AATK: variants seen among roughly 807,000 people sequenced by gnomAD.
AATK encodes lemur tail kinase 1.
A neutral mutation model predicts 114.3 loss-of-function variants in AATK; 91 were observed. The observed-to-expected ratio is 0.80, with a 90% CI of 0.67 to 0.95. The LOEUF (loss-of-function observed/expected upper bound fraction) is 0.95. Ranked by LOEUF, AATK falls within the 40% of genes least tolerant of loss-of-function variation. The pLI is 0.00. For synonymous variants in AATK, 1,075 were observed against 916.5 expected (o/e 1.17, Z -3.12); for missense variants, 2,176 against 1,965.2 (o/e 1.11, Z -2.03).
chr17:81,125,350 C>A (rs369112104), intron 7 of AATK: 2 of 667,206 alleles, frequency 3.0e-6, no homozygotes, highest in African/African-American at 3.5e-5. Flanking sequence ...TCTCCAGGAC[C>A]CTCTCCTCCT....
Position 81,122,311 on chromosome 17 carries a change from C to A in AATK, c.1625G>T (p.Gly542Val), listed in dbSNP as rs1289149814. The change falls in exon 11 of 14, where the codon GGC becomes GTC. Residue 542 changes from glycine to valine, a missense_variant. Transcript: ENST00000326724. The stretch of plus-strand genomic sequence containing the variant: ...GCAGCCGGCGCAGTCAGGGTCGTGG[C>A]CGGCGGCGGGTGCGGCCTCCTCTAG... The part of the protein sequence containing the change: ...IRLEEAAPAA[G>V]HDPDCAGCAP... The A allele has an allele frequency of 6.6e-7, 1 of 1,510,050 alleles. No individual in the cohort carries two copies. Among genetic ancestry groups the A allele is most frequent in the Non-Finnish European group, 8.8e-7 (1 of 1,134,514 alleles). 93.5% of individuals were successfully genotyped at this position (1,510,050 alleles called of 1,614,324 possible). A position where few individuals can be genotyped will look rare whatever the true frequency, so the allele number is the denominator to read the frequency against.
At position 81,122,594 on chromosome 17, in the gene AATK, G is replaced by A. The variant is rs1256230088; in HGVS notation, c.1342C>T (p.Pro448Ser). 1.4e-6 allele frequency: 2 copies of A among 1,439,502 alleles called. No individual in the cohort carries two copies. The highest frequency in any genetic ancestry group is 2.4e-5 in the Admixed American group (1 of 41,794). The allele number at this position is 1,439,502 out of a possible 1,614,324, so 89.2% of individuals were successfully genotyped here. A position where few individuals can be genotyped will look rare whatever the true frequency, so the allele number is the denominator to read the frequency against. Residue 448 changes from proline to serine, a missense_variant, in exon 11 of 14, where the codon CCG becomes TCG. Around this residue, in one of 4 missense-constraint regions of AATK, gnomAD observed 1,701 missense variants for 1,394.7 expected, o/e 1.22. Transcript: ENST00000326724. ...TCGCCCGCGAACTGCTCCAGCAGCG[G>A]GAAGGACGAGGCAGCGGCGAGCTCC... Reference protein sequence around the residue: ...VVELAAASSFPLLEQFAGDGF... With the variant: ...VVELAAASSFSLLEQFAGDGF...
chr17:81,131,326 G>C (rs768708776), intron 2 of AATK, 121 bp from the exon 3 acceptor site: 5 of 1,338,814 alleles, frequency 3.7e-6, no homozygotes, highest in Non-Finnish European at 4.9e-6. Context: ...GGGGGTGCTC[G>C]GCCCAGAGTT....
At chr17:81,131,528 C>T (rs2060931740) in intron 2 of AATK, among the ~76,000 whole-genome samples, 1 of 152,182 alleles carries the variant, frequency 6.6e-6, no homozygotes, top group African/African-American at 2.4e-5. Flanking sequence ...GCACCAGCGC[C>T]TCAGCCTGGC....
In AATK at chr17:81,159,814, G is replaced by A. The variant is rs112892194; in HGVS notation, c.55+6124C>T. Among the ~76,000 whole-genome samples, 642 of 152,174 alleles carry A rather than the reference G, an allele frequency of 4.2e-3. 11 individuals carry two copies. Among genetic ancestry groups the A allele is most frequent in the African/African-American group, 0.014 (594 of 41,522 alleles). ...GGTGACTCGGCAGAGCCCTGGTCCCGGACCAGCTCCCCTGCCCCCCAGCCT... is the reference window on the plus strand; with the variant it reads ...GGTGACTCGGCAGAGCCCTGGTCCCAGACCAGCTCCCCTGCCCCCCAGCCT... On this transcript the variant is annotated intron_variant, in intron 1 of 13. Transcript: ENST00000326724.
intron 1 of AATK, among the ~76,000 whole-genome samples, chr17:81,140,842 G>A (rs1232909384): frequency 9.3e-6 from 1 of 107,536 alleles, no homozygotes; most frequent in African/African-American, 4.0e-5. Flanking sequence ...CCGTGGGGCC[G>A]TGAGCCGTGG....
rs1345767917 is a variant in AATK, at chr17:81,117,651, C to T, written c.*751G>A. 2.0e-5 allele frequency: 3 copies of T among 152,294 alleles called. No homozygotes were observed. The highest frequency in any genetic ancestry group is 7.2e-5 in the African/African-American group (3 of 41,464). The allele number at this position is 152,294 out of a possible 1,614,324, so 9.4% of individuals were successfully genotyped here. A position where few individuals can be genotyped will look rare whatever the true frequency, so the allele number is the denominator to read the frequency against. On this transcript the variant is annotated 3_prime_UTR_variant, in exon 14 of 14. Transcript: ENST00000326724. ...CTGCCCCACAGAGGGGAGCTGCCTG[C>T]ACGGTCCTGCCAAGGGCACCTCTAG... is the stretch of plus-strand genomic sequence containing the variant.
chr17:81,160,586 T>C (rs562440332), intron 1 of AATK, among the ~76,000 whole-genome samples: 1 of 152,306 alleles, frequency 6.6e-6, no homozygotes, highest in East Asian at 1.9e-4. Context: ...CTCCTGTCAC[T>C]GTGGCCTGCG....
At chr17:81,162,440 C>G (rs1236271151) in intron 1 of AATK, among the ~76,000 whole-genome samples, 1 of 152,156 alleles carries the variant, frequency 6.6e-6, no homozygotes, top group East Asian at 1.9e-4. Context: ...GAAGCAGCAG[C>G]TGCCTTCAAA....
chr17:81,146,400 G>T (rs961160590), intron 1 of AATK, among the ~76,000 whole-genome samples: 5 of 151,524 alleles, frequency 3.3e-5, no homozygotes, highest in Admixed American at 6.6e-5. Flanking sequence ...CGTGAAGTCA[G>T]CTCACAAATG....
Position 81,119,945 on chromosome 17 carries a change from C to T in AATK, c.3874G>A (p.Ala1292Thr). 6.9e-7 allele frequency: 1 copy of T among 1,446,140 alleles called. No homozygotes were observed. The highest frequency in any genetic ancestry group is 9.1e-7 in the Non-Finnish European group (1 of 1,101,718). 89.6% of individuals were successfully genotyped at this position (1,446,140 alleles called of 1,614,324 possible). The change falls in exon 12 of 14, where the codon GCG becomes ACG. Residue 1292 changes from alanine to threonine, a missense_variant. Transcript: ENST00000326724. ...CCCCGCCCCTGCTCACCCTCTTCCG[C>T]TGTGGAGCCATTTGGGGAGCCATCA... ...QADGSPNGST[A>T]EEGGGFAWDD...
intron 2 of AATK, 111 bp from the exon 3 acceptor site, chr17:81,131,316 G>A (rs1171757868): frequency 7.2e-6 from 10 of 1,382,034 alleles, no homozygotes; most frequent in Non-Finnish European, 8.6e-6. Flanking sequence ...CAGGGCAGGA[G>A]GGGGTGCTCG....
Position 81,119,573 on chromosome 17 carries a change from CCCA to C in AATK, c.3888_3890del (p.Gly1297del), listed in dbSNP as rs2060661856. On this transcript the variant is annotated inframe_deletion, in exon 13 of 14. Transcript: ENST00000326724. ...GCGGGAAGTCGTCGTCCCACGCGAA[CCCA>C]CCACCTGCAGCCCAGGTCGCGGCGT... The C allele has an allele frequency of 1.3e-6, 2 of 1,571,312 alleles. No homozygotes were observed. The highest frequency in any genetic ancestry group is 1.8e-5 in the Admixed American group (1 of 54,466).
At chr17:81,144,744 C>G (rs1302072189) in intron 1 of AATK, among the ~76,000 whole-genome samples, 2 of 152,276 alleles carry the variant, frequency 1.3e-5, no homozygotes, top group Non-Finnish European at 2.9e-5. Context: ...GTCCAGCGTG[C>G]TGGTGCCCAT....
chr17:81,139,306 A>C (rs2061086935), intron 1 of AATK, among the ~76,000 whole-genome samples: 1 of 152,106 alleles, frequency 6.6e-6, no homozygotes, highest in Non-Finnish European at 1.5e-5. Flanking sequence ...ACCAGCCCCC[A>C]CTAGCAGGTG....
intron 1 of AATK, among the ~76,000 whole-genome samples, chr17:81,156,013 T>C (rs1307973424): frequency 6.6e-6 from 1 of 152,254 alleles, no homozygotes; most frequent in African/African-American, 2.4e-5. Flanking sequence ...TAACTGTATG[T>C]AACCTGAGCA....
intron 7 of AATK, among the ~76,000 whole-genome samples, chr17:81,125,685 T>C (rs2060804382): frequency 6.6e-6 from 1 of 152,048 alleles, no homozygotes; most frequent in Admixed American, 6.5e-5. Flanking sequence ...AGCTGCCGTA[T>C]TACTTCTGTG....
At chr17:81,138,791 A>G (rs558391631) in intron 1 of AATK, among the ~76,000 whole-genome samples, 101 of 26,744 alleles carry the variant, frequency 3.8e-3, no homozygotes, top group African/African-American at 6.9e-3. Context: ...ACCCATGTGC[A>G]CACAATACCC....
At chr17:81,145,234 C>CAAAAAAA (rs761538299) in intron 1 of AATK, among the ~76,000 whole-genome samples, 9 of 121,086 alleles carry the variant, frequency 7.4e-5, no homozygotes, top group African/African-American at 1.2e-4. Context: ...GAGACTCCAT[C>CAAAAAAA]AAAAAAAAAA....
Sources: allele counts gnomAD v4.1 joint callset (sites outside exome capture counted in the v4.1 genomes callset), GRCh38; gene constraint gnomAD v4.1.1; regional missense constraint gnomAD v4.1.1; transcripts MANE v1.5; gene names NCBI Gene and HGNC (gene_info 2026-07-23, HGNC 2026-07-21).